The following EBF2 variants were observed in gnomAD, a reference collection of about 807,000 sequenced individuals.
The protein encoded by EBF2 is transcription factor COE2.
Under a neutral mutation model 72.8 loss-of-function variants are expected in EBF2, and 21 were observed. The ratio of observed to expected loss-of-function variants is 0.29; its 90% confidence interval spans 0.20 to 0.42. The LOEUF is 0.42. EBF2 is among the 10% of genes least tolerant of loss of function. EBF2 has a pLI of 1.00. For missense variants in EBF2, 637 were observed against 731.2 expected (o/e 0.87, Z 1.49); for synonymous variants, 299 against 274.2 (o/e 1.09, Z -0.89).
intron 6 of EBF2, among the ~76,000 whole-genome samples, chr8:25,952,032 C>T (rs763242356): frequency 6.6e-6 from 1 of 152,178 alleles, no homozygotes; most frequent in Admixed American, 6.5e-5. Flanking sequence ...CTGGCTCACA[C>T]CTGTAATTCC....
At chr8:25,954,985 G>A (rs903306538) in intron 6 of EBF2, among the ~76,000 whole-genome samples, 2 of 152,220 alleles carry the variant, frequency 1.3e-5, no homozygotes, top group African/African-American at 4.8e-5. Context: ...CAGACGCAGC[G>A]CGCCAGGTTG....
intron 6 of EBF2, among the ~76,000 whole-genome samples, chr8:26,016,470 G>A (rs1466921564): frequency 6.6e-6 from 1 of 151,996 alleles, no homozygotes; most frequent in Non-Finnish European, 1.5e-5. Context: ...CTACTTAGTG[G>A]GCCAAAGAAA....
intron 5 of EBF2, among the ~76,000 whole-genome samples, chr8:26,034,802 T>G (rs1373573451): frequency 6.6e-6 from 1 of 152,152 alleles, no homozygotes; most frequent in Non-Finnish European, 1.5e-5. Flanking sequence ...ATAACCAAAC[T>G]CTATGTGAAC....
chr8:25,896,225 A>T (rs181678250), intron 7 of EBF2, among the ~76,000 whole-genome samples: 101 of 152,324 alleles, frequency 6.6e-4, no homozygotes, highest in African/African-American at 2.3e-3. Context: ...ACTGGTCAGA[A>T]ACCTCCCCGT....
intron 10 of EBF2, among the ~76,000 whole-genome samples, chr8:25,874,990 C>T (rs1802498857): frequency 6.6e-6 from 1 of 151,566 alleles, no homozygotes. Context: ...CTGGCTTCTA[C>T]CTTTTAATAC....
chr8:25,959,905 G>C (rs769312784), intron 6 of EBF2, among the ~76,000 whole-genome samples: 13 of 152,176 alleles, frequency 8.5e-5, no homozygotes, highest in Non-Finnish European at 1.5e-4. Context: ...AGGTAGTATG[G>C]TCCCATTCTA....
intron 6 of EBF2, among the ~76,000 whole-genome samples, chr8:25,973,581 G>T (rs554197563): frequency 6.6e-6 from 1 of 152,132 alleles, no homozygotes; most frequent in African/African-American, 2.4e-5. Flanking sequence ...TAACTTAAAA[G>T]AAAACAAACA....
At chr8:25,948,863 G>A (rs1280784831) in intron 6 of EBF2, among the ~76,000 whole-genome samples, 1 of 152,220 alleles carries the variant, frequency 6.6e-6, no homozygotes, top group East Asian at 1.9e-4. Flanking sequence ...AGGCCAGCAA[G>A]GGTGTGGCTT....
chr8:26,003,721 G>C (rs1294940473), intron 6 of EBF2, among the ~76,000 whole-genome samples: 1 of 152,190 alleles, frequency 6.6e-6, no homozygotes, highest in African/African-American at 2.4e-5. Flanking sequence ...CCCTGGCCAT[G>C]ATCCCTGGGG....
chr8:25,909,728 A>C (rs930779544), intron 6 of EBF2, among the ~76,000 whole-genome samples: 1 of 152,212 alleles, frequency 6.6e-6, no homozygotes, highest in Non-Finnish European at 1.5e-5. Flanking sequence ...TCTCCAATTA[A>C]ATGTATTTAT....
chr8:26,013,498 G>C (rs1288923893), intron 6 of EBF2, among the ~76,000 whole-genome samples: 1 of 152,152 alleles, frequency 6.6e-6, no homozygotes, highest in African/African-American at 2.4e-5. Flanking sequence ...CTAATCATCT[G>C]TCTTTTCCCT....
intron 6 of EBF2, among the ~76,000 whole-genome samples, chr8:26,002,714 G>A (rs1804751681): frequency 6.6e-6 from 1 of 152,134 alleles, no homozygotes; most frequent in Admixed American, 6.5e-5. Context: ...AATAATGAGG[G>A]TAGTAATGGC....
intron 7 of EBF2, among the ~76,000 whole-genome samples, chr8:25,893,434 C>T (rs1378934444): frequency 1.3e-5 from 2 of 151,814 alleles, no homozygotes; most frequent in African/African-American, 4.8e-5. Context: ...TTACAGGTAC[C>T]TGCCACCACA....
chr8:25,942,276 T>A (rs1803687336), intron 6 of EBF2, among the ~76,000 whole-genome samples: 1 of 152,218 alleles, frequency 6.6e-6, no homozygotes, highest in Admixed American at 6.5e-5. Context: ...ATGTATGGAG[T>A]ACATGTGCAA....
At chr8:25,873,797 G>A (rs1343791470) in intron 10 of EBF2, among the ~76,000 whole-genome samples, 2 of 152,166 alleles carry the variant, frequency 1.3e-5, no homozygotes, top group African/African-American at 4.8e-5. Flanking sequence ...AAATCTAAAT[G>A]CCACAATGGA....
chr8:26,025,479 C>T (rs1375230740), intron 6 of EBF2, among the ~76,000 whole-genome samples: 2 of 151,970 alleles, frequency 1.3e-5, no homozygotes, highest in Non-Finnish European at 2.9e-5. Flanking sequence ...ATTTGATTTG[C>T]ATCAAATCCT....
chr8:25,938,173 C>T (rs778410348), intron 6 of EBF2, among the ~76,000 whole-genome samples: 59 of 151,862 alleles, frequency 3.9e-4, no homozygotes, highest in Non-Finnish European at 7.6e-4. Flanking sequence ...GTCATGGAAG[C>T]GTTAGTGGAA....
intron 6 of EBF2, among the ~76,000 whole-genome samples, chr8:25,944,558 ATTAT>A (rs1015859179): frequency 8.7e-5 from 13 of 149,506 alleles, no homozygotes; most frequent in African/African-American, 2.4e-4. Context: ...TATATACACA[ATTAT>A]TTATATATTG....
chr8:25,849,074 T>G (rs1282631302), intron 15 of EBF2, among the ~76,000 whole-genome samples: 2 of 152,210 alleles, frequency 1.3e-5, no homozygotes, highest in South Asian at 4.1e-4. Flanking sequence ...TCAGCCTATT[T>G]CTCTAGGAAT....
Sources: allele counts gnomAD v4.1 joint callset (sites outside exome capture counted in the v4.1 genomes callset), GRCh38; gene constraint gnomAD v4.1.1; transcripts MANE v1.5; gene names NCBI Gene and HGNC (gene_info 2026-07-23, HGNC 2026-07-21).